TMC3: variants seen among roughly 807,000 people sequenced by gnomAD.
TMC3 encodes the protein transmembrane channel like 3.
A neutral mutation model predicts 110.6 loss-of-function variants in TMC3; 98 were observed. That is an observed-to-expected ratio of 0.89 (90% CI 0.75 to 1.05). The LOEUF (loss-of-function observed/expected upper bound fraction) is 1.05. TMC3 is among the 50% of genes least tolerant of loss of function. The pLI is 0.00. For missense variants in TMC3, 1,319 were observed against 1,373.2 expected (o/e 0.96, Z 0.62); for synonymous variants, 489 against 513.1 (o/e 0.95, Z 0.63).
intron 17 of TMC3, 52 bp from the exon 18 acceptor site, chr15:81,338,832 T>A: frequency 1.2e-6 from 2 of 1,602,576 alleles, no homozygotes; most frequent in Non-Finnish European, 1.7e-6. Context: ...GGCAGAAAGA[T>A]GCTGCAAGAC....
At position 81,351,594 on chromosome 15, in the gene TMC3, C is replaced by A. The variant is rs1596086801; in HGVS notation, c.1083+100G>T. The A allele has an allele frequency of 2.1e-6, 3 of 1,435,482 alleles. No homozygotes were observed. In the East Asian group the frequency reaches 7.6e-5, roughly 37 times the overall value. The allele number at this position is 1,435,482 out of a possible 1,614,324, so 88.9% of individuals were successfully genotyped here. A position where few individuals can be genotyped will look rare whatever the true frequency, so the allele number is the denominator to read the frequency against. On this transcript the variant is annotated intron_variant, in intron 10 of 21. Transcript: ENST00000359440. ...CTGGAACTCCTGACCTCAAGTGATC[C>A]ACCTGCCCCAGCCTCCCAAAGTGCT... is the stretch of plus-strand genomic sequence containing the variant.
At chr15:81,372,870 CGTGTGTGTGTGTGT>C (rs58420711) in intron 1 of TMC3, 133 bp from the exon 2 acceptor site, 6 of 555,616 alleles carry the variant, frequency 1.1e-5, no homozygotes, top group Non-Finnish European at 1.9e-5. Flanking sequence ...TGTGTTTGTG[CGTGTGTGTGTGTGT>C]GTGTGTGTGT....
intron 14 of TMC3, among the ~76,000 whole-genome samples, 169 bp from the exon 15 acceptor site, chr15:81,343,514 G>T (rs986146518): frequency 6.6e-6 from 1 of 152,202 alleles, no homozygotes; most frequent in Non-Finnish European, 1.5e-5. Context: ...GTGGGGCTGG[G>T]CATTGTAGCT....
chr15:81,364,920 GT>G (rs890734834), intron 3 of TMC3, among the ~76,000 whole-genome samples: 2 of 150,086 alleles, frequency 1.3e-5, no homozygotes, highest in Non-Finnish European at 3.0e-5. Context: ...TTTGAAAAAG[GT>G]TTTCTGCCAT....
Position 81,359,364 on chromosome 15 carries a change from C to T in TMC3, c.501+1G>A. On this transcript the variant is annotated splice_donor_variant, in intron 5 of 21. Transcript: ENST00000359440. LOFTEE classifies it high-confidence loss of function. ...AGTGGTACTTTCCTGAAACATCTTA[C>T]CTCTGGAATGACAATAAAAGCACCT... is the stretch of plus-strand genomic sequence containing the variant. 6.3e-7 allele frequency: 1 copy of T among 1,593,024 alleles called. No homozygotes were observed. Among genetic ancestry groups the T allele is most frequent in the Non-Finnish European group, 8.6e-7 (1 of 1,169,274 alleles).
At chr15:81,358,644 G>T in intron 5 of TMC3, 144 bp from the exon 6 acceptor site, 4 of 668,894 alleles carry the variant, frequency 6.0e-6, no homozygotes, top group Non-Finnish European at 9.7e-6. Flanking sequence ...TTTCATTAAT[G>T]AAAAATTAAT....
chr15:81,349,627 A>G (rs1596085509), intron 10 of TMC3, 60 bp from the exon 11 acceptor site: 3 of 1,026,658 alleles, frequency 2.9e-6, no homozygotes, highest in East Asian at 6.4e-5. Flanking sequence ...AGCCCTCACC[A>G]TGTGCATTTG....
chr15:81,354,510 A>G (rs1894016329), intron 9 of TMC3, among the ~76,000 whole-genome samples: 1 of 152,334 alleles, frequency 6.6e-6, no homozygotes, highest in African/African-American at 2.4e-5. Flanking sequence ...TCTTGGTTGC[A>G]CGTGCATGTG....
In TMC3 at chr15:81,331,720, G is replaced by C. The variant is rs989196819; in HGVS notation, c.*699C>G. Reference sequence around the variant, plus strand: ...GTGATCGGCAGCTTCCCCATAAAATGTCAGGAGTTGGGCGAGTGGGCTCAA... The same window carrying C: ...GTGATCGGCAGCTTCCCCATAAAATCTCAGGAGTTGGGCGAGTGGGCTCAA... On this transcript the variant is annotated 3_prime_UTR_variant, in exon 22 of 22. Coordinates refer to ENST00000359440, the MANE Select transcript of TMC3 (RefSeq NM_001080532.3). The C allele has an allele frequency of 9.2e-5, 14 of 152,188 alleles. No individual in the cohort carries two copies. Among genetic ancestry groups the C allele is most frequent in the African/African-American group, 2.4e-4 (10 of 41,444 alleles). 9.4% of individuals were successfully genotyped at this position (152,188 alleles called of 1,614,324 possible).
At chr15:81,355,556 A>T (rs182848439) in intron 9 of TMC3, among the ~76,000 whole-genome samples, 169 bp downstream of exon 9, 32 of 152,344 alleles carry the variant, frequency 2.1e-4, no homozygotes, top group Admixed American at 7.2e-4. Context: ...CGTCCTAAAT[A>T]TTGCTAAGGA....
intron 1 of TMC3, among the ~76,000 whole-genome samples, chr15:81,373,613 G>A (rs1567072457): frequency 6.6e-6 from 1 of 152,156 alleles, no homozygotes; most frequent in Non-Finnish European, 1.5e-5. Context: ...TAACTAGCCT[G>A]AAGGCTTTTC....
chr15:81,374,208 CTG>C lies in TMC3; in HGVS notation c.-133_-132del. 1 of 741,232 alleles carries C rather than the reference CTG, an allele frequency of 1.3e-6. No homozygotes were observed. Among genetic ancestry groups the C allele is most frequent in the Non-Finnish European group, 2.3e-6 (1 of 432,772 alleles). The allele number at this position is 741,232 out of a possible 1,614,324, so 45.9% of individuals were successfully genotyped here. A position where few individuals can be genotyped will look rare whatever the true frequency, so the allele number is the denominator to read the frequency against. ...TGCCCGCTAGTTCTCAGGAAGAAGA[CTG>C]TGTGCTTGCAGCTGGTGCTCTGAGC... On this transcript the variant is annotated 5_prime_UTR_variant, in exon 1 of 22. Coordinates refer to ENST00000359440, the MANE Select transcript of TMC3 (RefSeq NM_001080532.3).
chr15:81,336,426 G>C (rs11631809), intron 20 of TMC3, among the ~76,000 whole-genome samples, 183 bp downstream of exon 20: 15,882 of 152,138 alleles, frequency 0.1, 1,016 homozygotes, highest in Non-Finnish European at 0.15. Flanking sequence ...AAATTAGCCA[G>C]GTGTGATGGC....
At chr15:81,358,530 T>TC in intron 5 of TMC3, 30 bp from the exon 6 acceptor site, 1 of 1,572,462 alleles carries the variant, frequency 6.4e-7, no homozygotes. Context: ...TGTCATGTGG[T>TC]CCTCTGGGTG....
intron 11 of TMC3, 87 bp from the exon 12 acceptor site, chr15:81,346,530 C>CA: frequency 7.6e-7 from 1 of 1,317,304 alleles, no homozygotes; most frequent in South Asian, 1.3e-5. Flanking sequence ...TAAAGACTGT[C>CA]ATGGATATAT....
At position 81,332,811 on chromosome 15, in the gene TMC3, G is replaced by A; in HGVS notation, c.2911C>T (p.His971Tyr). The change falls in exon 22 of 22, where the codon CAT (histidine) becomes TAT (tyrosine). Residue 971 changes from histidine to tyrosine, a missense_variant. Coordinates refer to ENST00000359440, the MANE Select transcript of TMC3 (RefSeq NM_001080532.3). ...RSLIDLRRAP[H>Y]FYIGERSESQ... ...TCGGACCTCTCCCCAATATAAAAAT[G>A]AGGAGCCCGACGGAGGTCTATCAGG... is the stretch of plus-strand genomic sequence containing the variant. 3 of 1,611,770 alleles carry A rather than the reference G, an allele frequency of 1.9e-6. No homozygotes were observed. Among genetic ancestry groups the A allele is most frequent in the Non-Finnish European group, 2.5e-6 (3 of 1,178,984 alleles).
At chr15:81,344,712 G>C in intron 13 of TMC3, 54 bp downstream of exon 13, 1 of 1,551,166 alleles carries the variant, frequency 6.4e-7, no homozygotes. Flanking sequence ...AGAGTTGCTG[G>C]GGTTAAGTGA....
chr15:81,354,108 C>T (rs1453352292), intron 9 of TMC3, among the ~76,000 whole-genome samples: 1 of 152,174 alleles, frequency 6.6e-6, no homozygotes, highest in Non-Finnish European at 1.5e-5. Context: ...TTTTCTAACA[C>T]TGGAGGACAA....
intron 7 of TMC3, among the ~76,000 whole-genome samples, chr15:81,357,358 G>A (rs2141715810): frequency 6.6e-6 from 1 of 151,920 alleles, no homozygotes; most frequent in East Asian, 2.0e-4. Flanking sequence ...TGCCACAAGG[G>A]GGTTGGGCAA....
Sources: gnomAD v4.1 joint callset for allele counts (sites outside exome capture counted in the v4.1 genomes callset) on GRCh38, gnomAD v4.1.1 for gene constraint, MANE v1.5 for transcripts, NCBI Gene and HGNC (gene_info 2026-07-23, HGNC 2026-07-21) for gene names.